The following NOL9 variants were observed in gnomAD, a reference collection of about 807,000 sequenced individuals.
NOL9 encodes the protein polynucleotide 5'-hydroxyl-kinase NOL9.
In NOL9, 28 loss-of-function variants were observed where a neutral mutation model predicts 67.9. The ratio of observed to expected loss-of-function variants is 0.41; its 90% confidence interval spans 0.31 to 0.57. NOL9 has a LOEUF of 0.57. NOL9 is among the 20% of genes least tolerant of loss of function. The pLI is 0.25. For synonymous variants in NOL9, 356 were observed against 352.2 expected, an observed-to-expected ratio of 1.01 and a Z score of -0.12; for missense variants, 777 against 897.0, an observed-to-expected ratio of 0.87 and a Z score of 1.71.
At chr1:6,553,871 C>T (rs956728435) in intron 1 of NOL9, among the ~76,000 whole-genome samples, 11 of 151,758 alleles carry the variant, frequency 7.2e-5, no homozygotes, top group Non-Finnish European at 2.9e-5. Flanking sequence ...GAAAACAAAA[C>T]AAAATAAAGT....
intron 3 of NOL9, among the ~76,000 whole-genome samples, chr1:6,547,675 C>G (rs1384546769): frequency 6.6e-6 from 1 of 151,822 alleles, no homozygotes; most frequent in Non-Finnish European, 1.5e-5. Flanking sequence ...GGCAACATGG[C>G]AAAATCCTAT....
At chr1:6,528,919 A>G in intron 10 of NOL9, 75 bp downstream of exon 10, 1 of 1,453,698 alleles carries the variant, frequency 6.9e-7, no homozygotes, top group Non-Finnish European at 9.5e-7. Flanking sequence ...CTACAAGGTC[A>G]AGACCAGTCA....
chr1:6,524,617 G>C lies in NOL9; in HGVS notation c.*1237C>G, dbSNP rs1271531890. ...AGCTTTCCCAAGAGCTGGTCTGCCAGTCCTTCTTCCTTCAAAACAGCCCAG... is the reference window on the plus strand; with the variant it reads ...AGCTTTCCCAAGAGCTGGTCTGCCACTCCTTCTTCCTTCAAAACAGCCCAG... On this transcript the variant is annotated 3_prime_UTR_variant, in exon 12 of 12. Coordinates refer to ENST00000377705, the MANE Select transcript of NOL9 (RefSeq NM_024654.5). 1 of 152,224 alleles carries C rather than the reference G, an allele frequency of 6.6e-6. No individual in the cohort carries two copies. The highest frequency in any genetic ancestry group is 1.9e-4 in the East Asian group (1 of 5,200). 9.4% of individuals were successfully genotyped at this position (152,224 alleles called of 1,614,324 possible).
chr1:6,554,480 AG>A lies in NOL9; in HGVS notation c.22del (p.Leu8Ter). ...AGTGGAACGGCAGGAACCCCGCTTT[AG>A]CAGCAGTCCCGAGTCCGCCATGCTG... MADSGLL[L>X]KRGSCRSTWL... On this transcript the variant is annotated frameshift_variant, in exon 1 of 12. Transcript: ENST00000377705. LOFTEE classifies it high-confidence loss of function. The A allele has an allele frequency of 6.5e-7, 1 of 1,545,012 alleles. No individual in the cohort carries two copies. The highest frequency in any genetic ancestry group is 8.6e-7 in the Non-Finnish European group (1 of 1,158,700).
At chr1:6,539,803 A>C (rs1355557652) in intron 6 of NOL9, among the ~76,000 whole-genome samples, 1 of 152,164 alleles carries the variant, frequency 6.6e-6, no homozygotes, top group Non-Finnish European at 1.5e-5. Context: ...ATTTTGATAC[A>C]TGCTACAACA....
rs1327976463 is a variant in NOL9, at chr1:6,554,322, C to T, written c.181G>A (p.Asp61Asn). Residue 61 changes from aspartate to asparagine, a missense_variant, in exon 1 of 12, where the codon GAC (aspartate) becomes AAC (asparagine). Transcript: ENST00000377705. The stretch of plus-strand genomic sequence containing the variant: ...ACCTGGCGGGCTCCCTCCCTCCAGT[C>T]CACGCCGGACGCCTGGGCTTGCAGT... ...RLLQAQASGV[D>N]WREGARQVSR... The T allele has an allele frequency of 1.4e-6, 2 of 1,473,598 alleles. No homozygotes were observed. The highest frequency in any genetic ancestry group is 1.8e-6 in the Non-Finnish European group (2 of 1,116,910). The allele number at this position is 1,473,598 out of a possible 1,614,324, so 91.3% of individuals were successfully genotyped here. A position where few individuals can be genotyped will look rare whatever the true frequency, so the allele number is the denominator to read the frequency against.
At chr1:6,541,747 C>G (rs1475339099) in intron 6 of NOL9, 83 bp downstream of exon 6, 6 of 755,600 alleles carry the variant, frequency 7.9e-6, no homozygotes, top group Admixed American at 2.9e-5. Flanking sequence ...ATATTTTATA[C>G]TCTTCGATTT....
chr1:6,544,084 C>A (rs1472220247), intron 5 of NOL9, among the ~76,000 whole-genome samples: 1 of 152,042 alleles, frequency 6.6e-6, no homozygotes, highest in African/African-American at 2.4e-5. Context: ...AGAGAACATG[C>A]CATTGCACTC....
intron 6 of NOL9, among the ~76,000 whole-genome samples, chr1:6,539,851 G>A (rs565343927): frequency 6.6e-6 from 1 of 152,312 alleles, no homozygotes; most frequent in Non-Finnish European, 1.5e-5. Context: ...AGTGAAATAA[G>A]CCAGACAAAG....
In NOL9 at chr1:6,522,953, G is replaced by A. The variant is rs1008606894; in HGVS notation, c.*2901C>T. On this transcript the variant is annotated 3_prime_UTR_variant, in exon 12 of 12. Transcript: ENST00000377705. ...CGAGGCAAGCGGATCACAAGGTCAG[G>A]AGATCGAGACCAGCCTAGCCAATAC... 1 of 145,954 alleles carries A rather than the reference G, an allele frequency of 6.9e-6. No individual in the cohort carries two copies. Among genetic ancestry groups the A allele is most frequent in the Non-Finnish European group, 1.5e-5 (1 of 67,234 alleles). 9.0% of individuals were successfully genotyped at this position (145,954 alleles called of 1,614,324 possible).
At chr1:6,539,814 T>A (rs1639235554) in intron 6 of NOL9, among the ~76,000 whole-genome samples, 1 of 152,128 alleles carries the variant, frequency 6.6e-6, no homozygotes, top group African/African-American at 2.4e-5. Flanking sequence ...TGCTACAACA[T>A]GGATGGATTT....
intron 8 of NOL9, 25 bp downstream of exon 8, chr1:6,532,438 C>A (rs376069739): frequency 2.9e-5 from 46 of 1,585,278 alleles, no homozygotes; most frequent in Middle Eastern, 1.7e-4. Flanking sequence ...AAAAATAATT[C>A]TTCAGCCAAA....
At chr1:6,540,430 T>C (rs893673680) in intron 6 of NOL9, among the ~76,000 whole-genome samples, 13 of 152,156 alleles carry the variant, frequency 8.5e-5, no homozygotes, top group Non-Finnish European at 1.0e-4. Flanking sequence ...CCGAGAGTTA[T>C]TCTTTAATGA....
chr1:6,549,581 A>G lies in NOL9; in HGVS notation c.734T>C (p.Phe245Ser). The change falls in exon 3 of 12, where the codon TTT (phenylalanine) becomes TCT (serine). Residue 245 changes from phenylalanine to serine, a missense_variant. Coordinates refer to ENST00000377705, the MANE Select transcript of NOL9 (RefSeq NM_024654.5). ...ITSYPGSSYI[F>S]VQESPTPQIK... ...GAAAACGGGTTCTACCTCTTGCACA[A>G]AAATGTAGGATGAACCCGGATAGCT... is the stretch of plus-strand genomic sequence containing the variant. 1 of 1,614,042 alleles carries G rather than the reference A, an allele frequency of 6.2e-7. No individual in the cohort carries two copies.
At chr1:6,548,138 CTTTTTTTTTTTT>C (rs201835857) in intron 3 of NOL9, 92 of 101,876 alleles carry the variant, frequency 9.0e-4, no homozygotes, top group South Asian at 3.9e-3. Flanking sequence ...ACTTAAAGTT[CTTTTTTTTTTTT>C]TTTTTTTTTT....
chr1:6,545,919 CAA>C (rs66980518), intron 3 of NOL9, among the ~76,000 whole-genome samples: 824 of 59,572 alleles, frequency 0.014, 5 homozygotes, highest in African/African-American at 0.048. Context: ...GTCTGTGTCT[CAA>C]AAAAAAAAAA....
At chr1:6,551,206 GA>G (rs753429935) in intron 1 of NOL9, among the ~76,000 whole-genome samples, 1 of 152,036 alleles carries the variant, frequency 6.6e-6, no homozygotes, top group Non-Finnish European at 1.5e-5. Context: ...AGCTACTTGG[GA>G]GGCTGAGGTG....
intron 8 of NOL9, 22 bp from the exon 9 acceptor site, chr1:6,532,101 G>A (rs960440394): frequency 7.0e-6 from 11 of 1,575,168 alleles, no homozygotes; most frequent in African/African-American, 2.7e-5. Flanking sequence ...ATCACAACAA[G>A]GTAAGTAGAC....
At chr1:6,526,098 T>C in intron 11 of NOL9, 95 bp from the exon 12 acceptor site, 1 of 1,136,388 alleles carries the variant, frequency 8.8e-7, no homozygotes, top group Non-Finnish European at 1.3e-6. Context: ...AGTGTCATGG[T>C]GATGGTCTGG....
Sources: gnomAD v4.1 joint callset for allele counts (sites outside exome capture counted in the v4.1 genomes callset) on GRCh38, gnomAD v4.1.1 for gene constraint, MANE v1.5 for transcripts, NCBI Gene and HGNC (gene_info 2026-07-23, HGNC 2026-07-21) for gene names.